The following ZNF385D variants were observed in gnomAD, a reference collection of about 807,000 sequenced individuals.
The protein encoded by ZNF385D is zinc finger protein 659.
Under a neutral mutation model 35.8 loss-of-function variants are expected in ZNF385D, and 15 were observed. That is an observed-to-expected ratio of 0.42 (90% confidence interval 0.28 to 0.64). ZNF385D has a LOEUF of 0.64. Ranked by LOEUF, ZNF385D falls within the 30% of genes least tolerant of loss-of-function variation. The probability of loss-of-function intolerance (pLI) is 0.23; values close to 1 mark genes in which losing one functional copy is unlikely to be tolerated. For missense variants in ZNF385D, 474 were observed against 494.6 expected, an observed-to-expected ratio of 0.96 and a Z score of 0.39; for synonymous variants, 212 against 186.8, an observed-to-expected ratio of 1.13 and a Z score of -1.10.
intron 1 of ZNF385D, among the ~76,000 whole-genome samples, chr3:21,733,133 T>A (rs2069091781): frequency 6.6e-6 from 1 of 152,204 alleles, no homozygotes; most frequent in Non-Finnish European, 1.5e-5. Flanking sequence ...TTCAGCACCA[T>A]TTTTTGAAAA....
intron 3 of ZNF385D, among the ~76,000 whole-genome samples, chr3:21,939,652 T>C (rs773984076): frequency 3.3e-5 from 5 of 152,264 alleles, no homozygotes; most frequent in Non-Finnish European, 7.4e-5. Context: ...AATCAAGTGT[T>C]AAATAAAAAT....
intron 3 of ZNF385D, among the ~76,000 whole-genome samples, chr3:21,855,352 T>C (rs1480028142): frequency 6.6e-6 from 1 of 151,998 alleles, no homozygotes; most frequent in African/African-American, 2.4e-5. Context: ...AATCATTGTG[T>C]GGTGTGTGAA....
chr3:21,488,019 A>G (rs1381124834), intron 4 of ZNF385D, among the ~76,000 whole-genome samples: 1 of 152,112 alleles, frequency 6.6e-6, no homozygotes, highest in African/African-American at 2.4e-5. Flanking sequence ...CCACAATGCT[A>G]TATTGGAAGA....
chr3:21,509,469 A>C (rs1707037818), intron 4 of ZNF385D, among the ~76,000 whole-genome samples: 1 of 152,142 alleles, frequency 6.6e-6, no homozygotes, highest in South Asian at 2.1e-4. Flanking sequence ...CGATTATTAG[A>C]GAAAAGACCA....
chr3:21,802,915 G>A (rs972693996), intron 3 of ZNF385D, among the ~76,000 whole-genome samples: 2 of 152,160 alleles, frequency 1.3e-5, no homozygotes, highest in African/African-American at 4.8e-5. Context: ...GCTCCCAGGA[G>A]GAACAAGGAA....
intron 2 of ZNF385D, among the ~76,000 whole-genome samples, chr3:22,298,851 T>C (rs575457185): frequency 1.3e-5 from 2 of 152,094 alleles, no homozygotes; most frequent in East Asian, 1.9e-4. Flanking sequence ...TACTTAGCCA[T>C]GGACTTGTGC....
At chr3:22,022,404 A>T (rs952058219) in intron 3 of ZNF385D, among the ~76,000 whole-genome samples, 1 of 152,124 alleles carries the variant, frequency 6.6e-6, no homozygotes, top group Non-Finnish European at 1.5e-5. Context: ...CTAATCTTTC[A>T]ACTTGGAGTT....
intron 3 of ZNF385D, among the ~76,000 whole-genome samples, chr3:21,540,205 A>C (rs2062138809): frequency 6.6e-6 from 1 of 152,214 alleles, no homozygotes; most frequent in South Asian, 2.1e-4. Flanking sequence ...TTAAATAGGC[A>C]AAAGCAGAAT....
chr3:21,925,997 C>A (rs1209450458), intron 3 of ZNF385D, among the ~76,000 whole-genome samples: 2 of 152,066 alleles, frequency 1.3e-5, no homozygotes, highest in African/African-American at 4.8e-5. Flanking sequence ...AGTAAAGATG[C>A]AGAAAATCTG....
At chr3:22,345,451 C>A (rs1191429291) in intron 2 of ZNF385D, among the ~76,000 whole-genome samples, 1 of 152,182 alleles carries the variant, frequency 6.6e-6, no homozygotes, top group Non-Finnish European at 1.5e-5. Flanking sequence ...CTTTATTAAG[C>A]AAATACCTTA....
rs140094522 is a variant in ZNF385D at position 22,141,612 on chromosome 3, C to T, written c.325+27205G>A. Among the ~76,000 whole-genome samples the T allele has an allele frequency of 8.2e-3, 1,253 of 152,242 alleles. 12 individuals carry two copies. Among genetic ancestry groups the T allele is most frequent in the African/African-American group, 0.022 (909 of 41,532 alleles). On this transcript the variant is annotated intron_variant, in intron 3 of 5. Transcript: ENST00000494108. ...GGACCCGCGGTAGTTCACTGGCCTG[C>T]TGTTCACCTTGTGGTGGCAAGAATT...
At position 21,914,866 on chromosome 3, in the gene ZNF385D, T is replaced by C. The variant is rs558476237; in HGVS notation, c.326-249838A>G. 9.4e-4 allele frequency among the ~76,000 whole-genome samples: 142 copies of C among 151,666 alleles called. 1 individual carries two copies. Among genetic ancestry groups the C allele is most frequent in the Non-Finnish European group, 1.8e-3 (123 of 67,872 alleles). On this transcript the variant is annotated intron_variant, in intron 3 of 5. Transcript: ENST00000494108. ...TCAAATCCAACAATGTTGTGGTAAA[T>C]TACTTTGATGTTTAGCCAAGACAGA...
intron 2 of ZNF385D, among the ~76,000 whole-genome samples, chr3:22,276,773 T>C (rs1378104310): frequency 2.0e-5 from 3 of 152,136 alleles, no homozygotes; most frequent in Admixed American, 6.6e-5. Flanking sequence ...GGGACTCCAA[T>C]GCAAAACTCA....
At chr3:22,319,991 A>G (rs1559517863) in intron 2 of ZNF385D, among the ~76,000 whole-genome samples, 1 of 152,134 alleles carries the variant, frequency 6.6e-6, no homozygotes, top group Non-Finnish European at 1.5e-5. Context: ...TTTGACTGAG[A>G]CAAGAGTGAC....
At chr3:22,110,430 C>T (rs1311637524) in intron 3 of ZNF385D, among the ~76,000 whole-genome samples, 1 of 152,036 alleles carries the variant, frequency 6.6e-6, no homozygotes, top group Non-Finnish European at 1.5e-5. Context: ...AAATGTGGCA[C>T]ATATACACCA....
At chr3:21,882,813 GT>G (rs975160481) in intron 3 of ZNF385D, among the ~76,000 whole-genome samples, 2 of 151,950 alleles carry the variant, frequency 1.3e-5, no homozygotes, top group Admixed American at 1.3e-4. Flanking sequence ...ATTATGTAGA[GT>G]TTTTTTATGA....
intron 4 of ZNF385D, among the ~76,000 whole-genome samples, chr3:21,463,673 A>G (rs1049512894): frequency 6.6e-6 from 1 of 152,116 alleles, no homozygotes; most frequent in Non-Finnish European, 1.5e-5. Flanking sequence ...TACAGATATG[A>G]AAAGATACAC....
intron 3 of ZNF385D, among the ~76,000 whole-genome samples, chr3:21,924,920 T>C (rs992984313): frequency 6.6e-6 from 1 of 152,044 alleles, no homozygotes; most frequent in African/African-American, 2.4e-5. Flanking sequence ...CCTGCTACAG[T>C]AGTGTCAGAG....
intron 2 of ZNF385D, among the ~76,000 whole-genome samples, chr3:21,593,067 A>G (rs1427529403): frequency 6.6e-6 from 1 of 152,162 alleles, no homozygotes; most frequent in South Asian, 2.1e-4. Flanking sequence ...CCCGGGAATA[A>G]TAGCTTCAGG....
Sources: allele counts gnomAD v4.1 joint callset (sites outside exome capture counted in the v4.1 genomes callset), GRCh38; gene constraint gnomAD v4.1.1; transcripts MANE v1.5; gene names NCBI Gene and HGNC (gene_info 2026-07-23, HGNC 2026-07-21).